The following GAS2 variants were observed in gnomAD, a reference collection of about 807,000 sequenced individuals.
GAS2 encodes the protein growth arrest-specific protein 2.
A neutral mutation model predicts 37.5 loss-of-function variants in GAS2; 20 were observed. The observed-to-expected ratio is 0.53, with a 90% CI of 0.37 to 0.77. GAS2 has a LOEUF of 0.77. Ranked by LOEUF, GAS2 falls within the 30% of genes least tolerant of loss-of-function variation. GAS2 has a pLI of 0.00. For synonymous variants in GAS2, 144 were observed against 132.2 expected (o/e 1.09, Z -0.61); for missense variants, 336 against 373.4 (o/e 0.90, Z 0.82).
chr11:22,764,341 A>G (rs988516150), intron 7 of GAS2, among the ~76,000 whole-genome samples: 152 of 152,112 alleles, frequency 1.0e-3, no homozygotes, highest in Non-Finnish European at 1.5e-3. Context: ...CGGGCGGATC[A>G]CGAGGTCAGG....
At chr11:22,805,223 A>G (rs1030888899) in intron 7 of GAS2, among the ~76,000 whole-genome samples, 1 of 152,112 alleles carries the variant, frequency 6.6e-6, no homozygotes, top group African/African-American at 2.4e-5. Flanking sequence ...TCTTCTATTT[A>G]CATATGTATT....
At chr11:22,791,426 T>C (rs1361314399) in intron 7 of GAS2, among the ~76,000 whole-genome samples, 1 of 152,196 alleles carries the variant, frequency 6.6e-6, no homozygotes, top group East Asian at 1.9e-4. Context: ...GACATGCTTT[T>C]CGCAACTACT....
intron 7 of GAS2, among the ~76,000 whole-genome samples, chr11:22,805,471 C>G (rs1856842175): frequency 6.6e-6 from 1 of 151,964 alleles, no homozygotes; most frequent in South Asian, 2.1e-4. Flanking sequence ...ATCTTTTGAA[C>G]TTATTCCTCC....
intron 2 of GAS2, among the ~76,000 whole-genome samples, chr11:22,678,471 A>C (rs1849537961): frequency 6.6e-6 from 1 of 152,064 alleles, no homozygotes; most frequent in African/African-American, 2.4e-5. Context: ...GATAAAACGT[A>C]AAAAACATAA....
At chr11:22,810,890 C>A (rs948661090) in intron 7 of GAS2, among the ~76,000 whole-genome samples, 2 of 152,134 alleles carry the variant, frequency 1.3e-5, no homozygotes, top group Non-Finnish European at 2.9e-5. Flanking sequence ...ATGTGACTTC[C>A]CAGACTTTCT....
intron 3 of GAS2, among the ~76,000 whole-genome samples, chr11:22,723,979 T>A (rs11026750): frequency 0.035 from 5,296 of 151,998 alleles, 195 homozygotes; most frequent in East Asian, 0.2. Context: ...AATAAGTAAA[T>A]GTTCCTTGAT....
chr11:22,707,096 G>T (rs908454526), intron 3 of GAS2, among the ~76,000 whole-genome samples: 3 of 152,174 alleles, frequency 2.0e-5, no homozygotes, highest in Non-Finnish European at 2.9e-5. Flanking sequence ...GAGATATATT[G>T]AGACCAGGTG....
chr11:22,702,678 C>G (rs1237572943), intron 3 of GAS2: 1 of 152,138 alleles, frequency 6.6e-6, no homozygotes, highest in East Asian at 1.9e-4. Context: ...TGCTAGCCTT[C>G]TCATATGAGC....
intron 1 of GAS2, among the ~76,000 whole-genome samples, chr11:22,651,970 G>A (rs528782763): frequency 1.3e-5 from 2 of 152,296 alleles, no homozygotes; most frequent in South Asian, 4.1e-4. Context: ...GAGGAACTGT[G>A]TTCCTTTGGA....
At chr11:22,703,833 C>A (rs1057076820) in intron 3 of GAS2, among the ~76,000 whole-genome samples, 4 of 152,078 alleles carry the variant, frequency 2.6e-5, no homozygotes, top group Admixed American at 6.6e-5. Flanking sequence ...ATGCATGAAG[C>A]CTGAAGCCTT....
chr11:22,677,590 A>G (rs995224922), intron 2 of GAS2, among the ~76,000 whole-genome samples: 2 of 152,176 alleles, frequency 1.3e-5, no homozygotes, highest in African/African-American at 4.8e-5. Context: ...CATTTTATTT[A>G]GTGAGTGTGG....
At chr11:22,659,911 AGG>A (rs1848897832) in intron 1 of GAS2, among the ~76,000 whole-genome samples, 1 of 125,148 alleles carries the variant, frequency 8.0e-6, no homozygotes, top group East Asian at 2.8e-4. Flanking sequence ...GAAGGGAGGG[AGG>A]AAGGGAGGGA....
intron 7 of GAS2, among the ~76,000 whole-genome samples, chr11:22,773,070 T>C: frequency 6.6e-6 from 1 of 152,116 alleles, no homozygotes; most frequent in East Asian, 1.9e-4. Context: ...GGCTTTATCA[T>C]ACCTTGGCAC....
chr11:22,652,006 A>G (rs1051717309), intron 1 of GAS2, among the ~76,000 whole-genome samples: 1 of 151,950 alleles, frequency 6.6e-6, no homozygotes, highest in Non-Finnish European at 1.5e-5. Context: ...TGCTTTTTAG[A>G]GTTTCCAGTT....
At chr11:22,690,709 G>C (rs1021598996) in intron 3 of GAS2, among the ~76,000 whole-genome samples, 13 of 152,126 alleles carry the variant, frequency 8.5e-5, no homozygotes, top group African/African-American at 3.1e-4. Context: ...CCAAATGACA[G>C]GTTTAAGGTT....
chr11:22,774,499 A>G (rs1855152215), intron 7 of GAS2, among the ~76,000 whole-genome samples: 1 of 152,218 alleles, frequency 6.6e-6, no homozygotes, highest in South Asian at 2.1e-4. Context: ...GGTTAGTATG[A>G]CATTTTAAAC....
intron 7 of GAS2, among the ~76,000 whole-genome samples, chr11:22,779,659 C>T (rs1266195607): frequency 6.6e-6 from 1 of 151,924 alleles, no homozygotes; most frequent in Non-Finnish European, 1.5e-5. Flanking sequence ...GATCGTGCCA[C>T]TGCAGTCCAG....
chr11:22,689,866 C>A (rs1406655031), intron 3 of GAS2, among the ~76,000 whole-genome samples: 1 of 152,144 alleles, frequency 6.6e-6, no homozygotes, highest in Admixed American at 6.5e-5. Flanking sequence ...AGAACTATTT[C>A]TCATTTTGGC....
chr11:22,710,135 A>G (rs1347003812), intron 3 of GAS2, among the ~76,000 whole-genome samples: 1 of 152,126 alleles, frequency 6.6e-6, no homozygotes, highest in African/African-American at 2.4e-5. Flanking sequence ...CACATTGTGC[A>G]CATGTACCCT....
Sources: gnomAD v4.1 joint callset for allele counts (sites outside exome capture counted in the v4.1 genomes callset) on GRCh38, gnomAD v4.1.1 for gene constraint, MANE v1.5 for transcripts, NCBI Gene and HGNC (gene_info 2026-07-23, HGNC 2026-07-21) for gene names.